The following UBR1 variants were observed in gnomAD, a reference collection of about 807,000 sequenced individuals.
UBR1 encodes the protein E3 ubiquitin-protein ligase UBR1.
A neutral mutation model predicts 242.1 loss-of-function variants in UBR1; 102 were observed. That is an observed-to-expected ratio of 0.42 (90% CI 0.36 to 0.50). UBR1 has a LOEUF of 0.50. Ranked by LOEUF, UBR1 falls within the 20% of genes least tolerant of loss-of-function variation. UBR1 has a pLI of 0.01. For synonymous variants in UBR1, 675 were observed against 684.8 expected (o/e 0.99, Z 0.22); for missense variants, 1,772 against 2,101.8 (o/e 0.84, Z 3.07).
intron 35 of UBR1, among the ~76,000 whole-genome samples, chr15:42,987,091 G>A (rs575673148): frequency 6.3e-4 from 96 of 152,374 alleles, no homozygotes; most frequent in African/African-American, 2.2e-3. Flanking sequence ...CTCGGCCCAA[G>A]ATGTCCAACC....
At chr15:43,001,389 C>A (rs1018715723) in intron 32 of UBR1, among the ~76,000 whole-genome samples, 1 of 152,142 alleles carries the variant, frequency 6.6e-6, no homozygotes, top group Non-Finnish European at 1.5e-5. Flanking sequence ...CCTCGTGATC[C>A]GCCCACCTCG....
intron 29 of UBR1, among the ~76,000 whole-genome samples, chr15:43,014,189 T>C (rs2032972323): frequency 1.3e-5 from 2 of 152,260 alleles, no homozygotes; most frequent in Non-Finnish European, 2.9e-5. Context: ...CAGTGCTCAA[T>C]GGTGCCCAGG....
Position 43,060,106 on chromosome 15 carries a change from C to T in UBR1, c.807G>A (p.Arg269=), listed in dbSNP as rs2141337764. The part of the protein sequence containing the change: ...HTTAIDKEGR[R]AVKAGAYAAC... Reference sequence around the variant, plus strand: ...CAGCATAAGCTCCCGCTTTAACAGCCCGACGACCCTAATTATAGACAAAAG... The same window carrying T: ...CAGCATAAGCTCCCGCTTTAACAGCTCGACGACCCTAATTATAGACAAAAG... Residue 269 remains arginine, a synonymous_variant, in exon 7 of 47, where the codon CGG becomes CGA. Transcript: ENST00000290650. The T allele has an allele frequency of 6.2e-7, 1 of 1,614,052 alleles. No individual in the cohort carries two copies. Among genetic ancestry groups the T allele is most frequent in the Non-Finnish European group, 8.5e-7 (1 of 1,180,008 alleles).
At chr15:42,995,145 T>C (rs1343382820) in intron 33 of UBR1, among the ~76,000 whole-genome samples, 1 of 152,180 alleles carries the variant, frequency 6.6e-6, no homozygotes, top group Non-Finnish European at 1.5e-5. Context: ...CTTAATGCCA[T>C]GTTTGAGACC....
chr15:43,001,264 C>A (rs1256717882), intron 32 of UBR1, among the ~76,000 whole-genome samples: 1 of 151,928 alleles, frequency 6.6e-6, no homozygotes, highest in African/African-American at 2.4e-5. Context: ...CTCCTTGGCT[C>A]AGCCTCCCAA....
chr15:42,964,244 C>A (rs1166523171), intron 41 of UBR1, among the ~76,000 whole-genome samples: 3 of 151,822 alleles, frequency 2.0e-5, no homozygotes, highest in African/African-American at 4.8e-5. Flanking sequence ...CCGAGGCGGG[C>A]GGATCACCTG....
At position 42,944,558 on chromosome 15, in the gene UBR1, T is replaced by C. The variant is rs560719705; in HGVS notation, c.*771A>G. The C allele has an allele frequency of 1.3e-5, 2 of 152,320 alleles. No homozygotes were observed. The highest frequency in any genetic ancestry group is 4.1e-4 in the South Asian group (2 of 4,830). The allele number at this position is 152,320 out of a possible 1,614,324, so 9.4% of individuals were successfully genotyped here. On this transcript the variant is annotated 3_prime_UTR_variant, in exon 47 of 47. Transcript: ENST00000290650. ...AGTCAAACAGGATGGTGCCACAATCTCCTTGCAGAATGAGATTTGCCTTTG... is the reference window on the plus strand; with the variant it reads ...AGTCAAACAGGATGGTGCCACAATCCCCTTGCAGAATGAGATTTGCCTTTG...
chr15:43,104,342 A>G (rs2034271870), intron 1 of UBR1, among the ~76,000 whole-genome samples: 1 of 152,224 alleles, frequency 6.6e-6, no homozygotes, highest in African/African-American at 2.4e-5. Context: ...ATACAAAACT[A>G]TAACAATTCT....
At chr15:43,091,336 G>C (rs2034103727) in intron 1 of UBR1, among the ~76,000 whole-genome samples, 1 of 152,120 alleles carries the variant, frequency 6.6e-6, no homozygotes, top group African/African-American at 2.4e-5. Flanking sequence ...GACACTCAAA[G>C]GAAATGCTCA....
At chr15:43,024,188 A>T (rs1468226015) in intron 25 of UBR1, among the ~76,000 whole-genome samples, 1 of 152,236 alleles carries the variant, frequency 6.6e-6, no homozygotes, top group African/African-American at 2.4e-5. Context: ...TATCAGTGTT[A>T]TAATAAAAAT....
intron 33 of UBR1, among the ~76,000 whole-genome samples, chr15:42,992,697 T>C (rs1025725691): frequency 6.6e-6 from 1 of 152,216 alleles, no homozygotes; most frequent in Non-Finnish European, 1.5e-5. Flanking sequence ...TCCCCTTCTA[T>C]AGTTCTCTCC....
At chr15:42,966,058 G>T in intron 41 of UBR1, 95 bp downstream of exon 41, 1 of 1,562,908 alleles carries the variant, frequency 6.4e-7, no homozygotes, top group South Asian at 1.1e-5. Flanking sequence ...GAGGAGAAGT[G>T]GTTTTATCTG....
rs1355250370 is a variant in UBR1, at chr15:42,944,540, C to G, written c.*789G>C. On this transcript the variant is annotated 3_prime_UTR_variant, in exon 47 of 47. Transcript: ENST00000290650. ...TTACAAGAGGTTTCTGAGAGTCAAA[C>G]AGGATGGTGCCACAATCTCCTTGCA... 1 of 152,194 alleles carries G rather than the reference C, an allele frequency of 6.6e-6. No homozygotes were observed. The highest frequency in any genetic ancestry group is 1.5e-5 in the Non-Finnish European group (1 of 68,034). 9.4% of individuals were successfully genotyped at this position (152,194 alleles called of 1,614,324 possible). A position where few individuals can be genotyped will look rare whatever the true frequency, so the allele number is the denominator to read the frequency against.
intron 30 of UBR1, among the ~76,000 whole-genome samples, chr15:43,004,573 G>C (rs552278194): frequency 6.6e-6 from 1 of 152,362 alleles, no homozygotes; most frequent in South Asian, 2.1e-4. Flanking sequence ...TGGAGACGGG[G>C]TTTCGCCCTG....
At chr15:43,069,153 T>C (rs1012021800) in intron 5 of UBR1, among the ~76,000 whole-genome samples, 2 of 152,208 alleles carry the variant, frequency 1.3e-5, no homozygotes, top group African/African-American at 4.8e-5. Context: ...TCACCTAATC[T>C]TTTAATCTTG....
chr15:43,074,791 C>A (rs1567144380), intron 4 of UBR1, among the ~76,000 whole-genome samples, 188 bp downstream of exon 4: 2 of 152,262 alleles, frequency 1.3e-5, no homozygotes, highest in Non-Finnish European at 2.9e-5. Flanking sequence ...ATTGTAAATT[C>A]ATTCTCTCTT....
chr15:43,078,378 ACAT>A (rs2033932582), intron 3 of UBR1, among the ~76,000 whole-genome samples: 1 of 152,202 alleles, frequency 6.6e-6, no homozygotes, highest in Non-Finnish European at 1.5e-5. Context: ...CCCTCCCTTC[ACAT>A]CACCACCACT....
At chr15:42,994,731 CCAAA>C (rs900730586) in intron 33 of UBR1, among the ~76,000 whole-genome samples, 6 of 152,116 alleles carry the variant, frequency 3.9e-5, no homozygotes, top group South Asian at 2.1e-4. Context: ...TTTCTTTTCC[CCAAA>C]CAATTAGTCA....
intron 8 of UBR1, 112 bp downstream of exon 8, chr15:43,059,590 A>T: frequency 4.7e-6 from 1 of 214,180 alleles, no homozygotes; most frequent in Non-Finnish European, 6.7e-6. Context: ...GTATAAACCA[A>T]AAAAAAAAAA....
Sources: allele counts gnomAD v4.1 joint callset (sites outside exome capture counted in the v4.1 genomes callset), GRCh38; gene constraint gnomAD v4.1.1; transcripts MANE v1.5; gene names NCBI Gene and HGNC (gene_info 2026-07-23, HGNC 2026-07-21).